The following SLC23A1 variants were observed in gnomAD, a reference collection of about 807,000 sequenced individuals.
The protein encoded by SLC23A1 is Na(+)/L-ascorbic acid transporter 1.
SLC23A1 carries 31 observed loss-of-function variants against 62.5 expected under a neutral mutation model. That is an observed-to-expected ratio of 0.50 (90% CI 0.37 to 0.67). The LOEUF is 0.67. Ranked by LOEUF, SLC23A1 falls within the 30% of genes least tolerant of loss-of-function variation. SLC23A1 has a pLI of 0.00. For synonymous variants in SLC23A1, 271 were observed against 313.2 expected, an observed-to-expected ratio of 0.87 and a Z score of 1.42; for missense variants, 640 against 782.7, an observed-to-expected ratio of 0.82 and a Z score of 2.18.
chr5:139,371,651 A>G (rs770970383), intron 14 of SLC23A1, among the ~76,000 whole-genome samples: 4 of 152,220 alleles, frequency 2.6e-5, no homozygotes, highest in Non-Finnish European at 2.9e-5. Flanking sequence ...ACTGGAGTAC[A>G]AGAATGAGGC....
At chr5:139,368,275 G>A (rs1168966708) in intron 14 of SLC23A1, among the ~76,000 whole-genome samples, 2 of 152,144 alleles carry the variant, frequency 1.3e-5, no homozygotes, top group Non-Finnish European at 2.9e-5. Flanking sequence ...GGGAGGCGGA[G>A]CTTGCAGTGA....
chr5:139,384,554 G>T (rs981112935), upstream of SLC23A1: 53 of 1,288,324 alleles, frequency 4.1e-5, 1 homozygote, highest in Admixed American at 1.2e-3. Flanking sequence ...GGACCAGTTT[G>T]AAGCCTCTGC....
chr5:139,379,286 T>C lies in SLC23A1; in HGVS notation c.994A>G (p.Ile332Val), dbSNP rs755148225. 1 of 1,614,184 alleles carries C rather than the reference T, an allele frequency of 6.2e-7. No individual in the cohort carries two copies. Among genetic ancestry groups the C allele is most frequent in the Non-Finnish European group, 8.5e-7 (1 of 1,180,002 alleles). ...LGMFSATLAG[I>V]IESIGDYYAC... The stretch of plus-strand genomic sequence containing the variant: ...TAGTAATCTCCGATGGACTCAATGA[T>C]GCCTGCCAGAGTGGCGCTGAACATT... Residue 332 changes from isoleucine (I) to valine (V), a missense_variant, in exon 9 of 15, where the codon ATC becomes GTC. Coordinates refer to ENST00000348729, the MANE Select transcript of SLC23A1 (RefSeq NM_005847.5). This position sits in a 1 kb window ranked among gnomAD's most constrained non-coding sequence, Gnocchi z 4.7.
rs962941794 is a variant in SLC23A1, at chr5:139,367,362, T to G, written c.*289A>C. On this transcript the variant is annotated 3_prime_UTR_variant, in exon 15 of 15. Transcript: ENST00000348729. ...AGTCTAAAATATCACAGAGGAAAAT[T>G]TCTAGCTGTTCTTCCTAGATGCTGA... The G allele has an allele frequency of 1.3e-5, 2 of 152,190 alleles. No homozygotes were observed. Among genetic ancestry groups the G allele is most frequent in the African/African-American group, 4.8e-5 (2 of 41,454 alleles). The allele number at this position is 152,190 out of a possible 1,614,324, so 9.4% of individuals were successfully genotyped here.
In SLC23A1 at chr5:139,372,248, G is replaced by A; in HGVS notation, c.1555C>T (p.Pro519Ser). The A allele has an allele frequency of 6.2e-7, 1 of 1,612,928 alleles. No individual in the cohort carries two copies. Among genetic ancestry groups the A allele is most frequent in the East Asian group, 2.2e-5 (1 of 44,882 alleles). The stretch of plus-strand genomic sequence containing the variant: ...CACTGTATCAGACCACGCTCCTCTG[G>A]GCTCCCTGGAAGAGGATAGTGAGGT... ...FILDNTVPGSPEERGLIQWKA... is the reference protein window; with the variant it reads ...FILDNTVPGSSEERGLIQWKA... The change falls in exon 14 of 15, where the codon CCA (proline) becomes TCA (serine). Residue 519 changes from proline (P) to serine (S), a missense_variant. Pro to Ser is a moderately conservative substitution (Grantham distance 74). Transcript: ENST00000348729.
intron 3 of SLC23A1, 59 bp downstream of exon 3, chr5:139,381,833 G>T (rs1477885817): frequency 2.1e-5 from 30 of 1,401,830 alleles, no homozygotes; most frequent in Non-Finnish European, 2.9e-5. Flanking sequence ...ACCTGCTCCT[G>T]CTGTGTGGAT....
Position 139,383,230 on chromosome 5 carries a change from C to T in SLC23A1, c.24G>A (p.Glu8=), listed in dbSNP as rs1236287908. 7.0e-7 allele frequency: 1 copy of T among 1,432,134 alleles called. No homozygotes were observed. Among genetic ancestry groups the T allele is most frequent in the Non-Finnish European group, 9.3e-7 (1 of 1,071,350 alleles). The allele number at this position is 1,432,134 out of a possible 1,614,324, so 88.7% of individuals were successfully genotyped here. ...CAGCCCCCAGCACCTGTGTCCGGCCCTCGAGGTCCTCCTGGGCCCTCATCT... is the reference window on the plus strand; with the variant it reads ...CAGCCCCCAGCACCTGTGTCCGGCCTTCGAGGTCCTCCTGGGCCCTCATCT... The part of the protein sequence containing the change: MRAQEDL[E]GRTQHETTRD... Residue 8 remains glutamate, a synonymous_variant, in exon 1 of 15, where the codon GAG becomes GAA. Transcript: ENST00000348729.
At chr5:139,384,270 G>C (rs1017079618), upstream of SLC23A1, 6 of 1,037,114 alleles carry the variant, frequency 5.8e-6, no homozygotes, top group Non-Finnish European at 7.5e-6. Context: ...AAGAACTCAG[G>C]CTCCTCAGCT....
chr5:139,380,385 T>A lies in SLC23A1; in HGVS notation c.470A>T (p.Gln157Leu). ...HIWHPRIREV[Q>L]GAIMVSSVVE... ...CACGCTGGACACCATGATTGCACCCTGGACCTGGAAGGGCAAACATCAGCC... is the reference window on the plus strand; with the variant it reads ...CACGCTGGACACCATGATTGCACCCAGGACCTGGAAGGGCAAACATCAGCC... Residue 157 changes from glutamine (Q) to leucine (L), a missense_variant, in exon 6 of 15, where the codon CAG becomes CTG. Coordinates refer to ENST00000348729, the MANE Select transcript of SLC23A1 (RefSeq NM_005847.5). 1 of 1,613,354 alleles carries A rather than the reference T, an allele frequency of 6.2e-7. No individual in the cohort carries two copies. Among genetic ancestry groups the A allele is most frequent in the South Asian group, 1.1e-5 (1 of 90,908 alleles).
Position 139,378,442 on chromosome 5 carries a change from T to C in SLC23A1, c.1180-91A>G. The C allele has an allele frequency of 6.7e-7, 1 of 1,492,358 alleles. No individual in the cohort carries two copies. The highest frequency in any genetic ancestry group is 1.4e-5 in the African/African-American group (1 of 71,932). 92.4% of individuals were successfully genotyped at this position (1,492,358 alleles called of 1,614,324 possible). ...CGGGGCCTGTTATAAGAGCGAGGCA[T>C]AAACCGGCTGGGGCTTGATGCGGGG... On this transcript the variant is annotated intron_variant, in intron 10 of 14. Transcript: ENST00000348729. This position sits in a 1 kb window ranked among gnomAD's most constrained non-coding sequence, Gnocchi z 4.5.
chr5:139,378,582 G>T lies in SLC23A1; in HGVS notation c.1176C>A (p.Thr392=), dbSNP rs747411925. 8 of 1,601,256 alleles carry T rather than the reference G, an allele frequency of 5.0e-6. No individual in the cohort carries two copies. The South Asian group carries it at 7.9e-5, about 16-fold the overall frequency. The change falls in exon 10 of 15, where the codon ACC becomes ACA. Residue 392 remains threonine (T), a synonymous_variant. Coordinates refer to ENST00000348729, the MANE Select transcript of SLC23A1 (RefSeq NM_005847.5). This position sits in a 1 kb window ranked among gnomAD's most constrained non-coding sequence, Gnocchi z 4.5. The stretch of plus-strand genomic sequence containing the variant: ...TGGCTCTGGCTCGTCGCGACACCTT[G>T]GTAATTCCCAGGACGCCAATGTTGG... The part of the protein sequence containing the change: ...SSPNIGVLGI[T]KVGSRRVVQY...
At position 139,380,342 on chromosome 5, in the gene SLC23A1, G is replaced by A. The variant is rs751247745; in HGVS notation, c.513C>T (p.Gly171=). 1.9e-6 allele frequency: 3 copies of A among 1,611,654 alleles called. No homozygotes were observed. The highest frequency in any genetic ancestry group is 2.2e-5 in the East Asian group (1 of 44,822). ...GCAGGGCCCCAGGCAGCCCCAGCAGGCCAATCACCACCTCCACCACGCTGG... is the reference window on the plus strand; with the variant it reads ...GCAGGGCCCCAGGCAGCCCCAGCAGACCAATCACCACCTCCACCACGCTGG... ...MVSSVVEVVI[G]LLGLPGALLN... Residue 171 remains glycine, a synonymous_variant, in exon 6 of 15, where the codon GGC becomes GGT. Transcript: ENST00000348729.
At position 139,372,303 on chromosome 5, in the gene SLC23A1, C is replaced by A. The variant is rs759451462; in HGVS notation, c.1550-50G>T. 23 of 1,563,056 alleles carry A rather than the reference C, an allele frequency of 1.5e-5. No individual in the cohort carries two copies. In the South Asian group the frequency reaches 2.5e-4, roughly 17 times the overall value. ...TACCAAGGCCAGCAACCCTCAGCCACCCCCACTTCCCATAACCCAGTCCTA... is the reference window on the plus strand; with the variant it reads ...TACCAAGGCCAGCAACCCTCAGCCAACCCCACTTCCCATAACCCAGTCCTA... On this transcript the variant is annotated intron_variant, in intron 13 of 14. Coordinates refer to ENST00000348729, the MANE Select transcript of SLC23A1 (RefSeq NM_005847.5).
chr5:139,377,598 GCCCTGTCTCAAA>G (rs1339948226), intron 12 of SLC23A1, 101 bp from the exon 13 acceptor site: 6 of 721,270 alleles, frequency 8.3e-6, no homozygotes, highest in Non-Finnish European at 1.3e-5. Flanking sequence ...ACAGTACAAA[GCCCTGTCTCAAA>G]CCTATCTCTG....
At position 139,379,287 on chromosome 5, in the gene SLC23A1, G is replaced by A. The variant is rs115034913; in HGVS notation, c.993C>T (p.Gly331=). 20,898 of 1,614,104 alleles carry A rather than the reference G, an allele frequency of 0.013. 230 individuals are homozygous for A. The highest frequency in any genetic ancestry group is 0.013 in the Non-Finnish European group (15,714 of 1,179,930). ...AGTAATCTCCGATGGACTCAATGATGCCTGCCAGAGTGGCGCTGAACATTC... is the reference window on the plus strand; with the variant it reads ...AGTAATCTCCGATGGACTCAATGATACCTGCCAGAGTGGCGCTGAACATTC... ...VLGMFSATLA[G]IIESIGDYYA... Residue 331 remains glycine, a synonymous_variant, in exon 9 of 15, where the codon GGC becomes GGT. Transcript: ENST00000348729. The surrounding 1 kb of genome is among the most constrained non-coding windows in gnomAD (Gnocchi z 4.7).
Position 139,379,059 on chromosome 5 carries a change from C to T in SLC23A1, c.1073+148G>A, listed in dbSNP as rs907268272. ...CAAAGACAGAGGGGTGATGAGAGGG[C>T]ACCCCCATCGCACAAACAAGGAGAA... On this transcript the variant is annotated intron_variant, in intron 9 of 14. Transcript: ENST00000348729. This position sits in a 1 kb window ranked among gnomAD's most constrained non-coding sequence, Gnocchi z 4.7. The T allele has an allele frequency of 1.8e-5, 14 of 787,904 alleles. No homozygotes were observed. The Admixed American group carries it at 3.2e-4, about 18-fold the overall frequency. 48.8% of individuals were successfully genotyped at this position (787,904 alleles called of 1,614,324 possible). A position where few individuals can be genotyped will look rare whatever the true frequency, so the allele number is the denominator to read the frequency against.
chr5:139,368,665 G>A, intron 14 of SLC23A1: 1 of 1,016,182 alleles, frequency 9.8e-7, no homozygotes, highest in Non-Finnish European at 1.5e-6. Context: ...TTTTGCATGA[G>A]GATCTAGATT....
intron 14 of SLC23A1, chr5:139,368,595 T>C (rs1757446454): frequency 3.2e-6 from 2 of 616,846 alleles, no homozygotes; most frequent in East Asian, 2.8e-5. Flanking sequence ...TTCTTCCTTT[T>C]TGGGGTTTAG....
intron 14 of SLC23A1, chr5:139,368,699 A>G (rs760845198): frequency 3.4e-6 from 5 of 1,478,006 alleles, no homozygotes; most frequent in Admixed American, 1.7e-5. Flanking sequence ...AAACTGTGTT[A>G]ATGAACTTGC....
Sources: allele counts gnomAD v4.1 joint callset (sites outside exome capture counted in the v4.1 genomes callset), GRCh38; gene constraint gnomAD v4.1.1; non-coding constraint Gnocchi (gnomAD v3.1); transcripts MANE v1.5; gene names NCBI Gene and HGNC (gene_info 2026-07-23, HGNC 2026-07-21).